Variants in GNB5 observed in about 807,000 individuals in gnomAD.
The protein encoded by GNB5 is G protein subunit beta 5.
In GNB5, 37 loss-of-function variants were observed where a neutral mutation model predicts 55.3. That is an observed-to-expected ratio of 0.67 (90% confidence interval 0.51 to 0.88). The LOEUF is 0.88. GNB5 is among the 40% of genes least tolerant of loss of function. The pLI is 0.00. For synonymous variants in GNB5, 219 were observed against 198.5 expected (o/e 1.10, Z -0.87); for missense variants, 476 against 515.3 (o/e 0.92, Z 0.74).
chr15:52,165,160 A>G (rs887483567), intron 3 of GNB5, among the ~76,000 whole-genome samples: 2 of 152,214 alleles, frequency 1.3e-5, no homozygotes, highest in Non-Finnish European at 2.9e-5. Context: ...ACAAGAATAG[A>G]GAAAAAACAA....
intron 6 of GNB5, chr15:52,143,795 C>T (rs1202602284): frequency 6.6e-6 from 1 of 152,186 alleles, no homozygotes; most frequent in Non-Finnish European, 1.5e-5. Flanking sequence ...AGACTTACCA[C>T]TAGAAACTCA....
At chr15:52,150,155 G>A (rs1302718461) in intron 4 of GNB5, among the ~76,000 whole-genome samples, 1 of 152,122 alleles carries the variant, frequency 6.6e-6, no homozygotes, top group Non-Finnish European at 1.5e-5. Flanking sequence ...TACATTCCTT[G>A]GAAAGATACA....
rs749482994 is a variant in GNB5 at position 52,135,645 on chromosome 15, G to C, written c.739C>G (p.Pro247Ala). ...GADVLCLDLA[P>A]SETGNTFVSG... is the part of the protein sequence containing the mutation. ...ACGAAGGTGTTTCCAGTTTCTGAGG[G>C]GGCCAGGTCCAAGCAGAGGACGTCA... Residue 247 changes from proline to alanine, a missense_variant, in exon 8 of 13, where the codon CCC becomes GCC. By Grantham distance (27) the Pro-to-Ala change is conservative. Transcript: ENST00000261837. 4.0e-5 allele frequency: 64 copies of C among 1,613,610 alleles called. No homozygotes were observed. The highest frequency in any genetic ancestry group is 5.3e-5 in the Non-Finnish European group (62 of 1,179,866).
intron 3 of GNB5, among the ~76,000 whole-genome samples, chr15:52,161,979 T>C (rs1303984434): frequency 6.6e-6 from 1 of 152,160 alleles, no homozygotes; most frequent in African/African-American, 2.4e-5. Flanking sequence ...AGAGCTGAGC[T>C]GGTGAACAGT....
rs900055902 is a variant in GNB5, at chr15:52,137,000, T to C, written c.628-1244A>G. The C allele has an allele frequency of 2.2e-5, 10 of 453,976 alleles. No homozygotes were observed. The Admixed American group carries it at 2.4e-4, about 11-fold the overall frequency. 28.1% of individuals were successfully genotyped at this position (453,976 alleles called of 1,614,324 possible). ...CTTACCAAGATTAACAGCTTGCTCA[T>C]CCAGACTCAAAGACTGTTCGCTTGC... On this transcript the variant is annotated intron_variant, in intron 7 of 12. Transcript: ENST00000261837.
intron 12 of GNB5, among the ~76,000 whole-genome samples, chr15:52,124,005 CAAAAAAAAAAAAA>C (rs56008657): frequency 3.6e-5 from 3 of 84,416 alleles, no homozygotes; most frequent in African/African-American, 8.4e-5. Context: ...ATAGAAAAAC[CAAAAAAAAAAAAA>C]AAAAAAAAAG....
At chr15:52,155,569 A>G (rs1433543575) in intron 3 of GNB5, among the ~76,000 whole-genome samples, 1 of 152,256 alleles carries the variant, frequency 6.6e-6, no homozygotes, top group Non-Finnish European at 1.5e-5. Flanking sequence ...TGTCCAAATA[A>G]TAACCTTCAT....
intron 8 of GNB5, among the ~76,000 whole-genome samples, chr15:52,134,279 G>A (rs937292557): frequency 6.6e-6 from 1 of 152,196 alleles, no homozygotes; most frequent in African/African-American, 2.4e-5. Context: ...TAGTCAAATA[G>A]CTTATATGAT....
chr15:52,167,001 A>G (rs2034463774), intron 3 of GNB5, among the ~76,000 whole-genome samples: 1 of 152,230 alleles, frequency 6.6e-6, no homozygotes, highest in Non-Finnish European at 1.5e-5. Context: ...GGATATCACC[A>G]CTGACCCCAC....
intron 7 of GNB5, chr15:52,138,045 T>G: frequency 1.1e-6 from 1 of 897,860 alleles, no homozygotes; most frequent in Non-Finnish European, 1.6e-6. Flanking sequence ...ATGGGATCTC[T>G]CCTCCTCACC....
intron 9 of GNB5, among the ~76,000 whole-genome samples, chr15:52,132,179 G>A (rs183799685): frequency 3.7e-4 from 57 of 152,110 alleles, no homozygotes; most frequent in Admixed American, 1.1e-3. Context: ...TGCACAAACA[G>A]GCTGATAGCC....
rs1457700761 is a variant in GNB5 at position 52,179,739 on chromosome 15, GCCCCGCCCGCCT to G, written c.238+17_238+28del. ...GGGAAGTGGCGAGCCGGTCCGGCTTGCCCCGCCCGCCTCCCGGCCCGCACTCACGCTCCACAT... is the reference window on the plus strand; with the variant it reads ...GGGAAGTGGCGAGCCGGTCCGGCTTGCCCGGCCCGCACTCACGCTCCACAT... On this transcript the variant is annotated intron_variant, in intron 3 of 12. Transcript: ENST00000261837. 2.4e-6 allele frequency: 3 copies of G among 1,231,634 alleles called. No homozygotes were observed. In the African/African-American group the frequency reaches 4.7e-5, roughly 19 times the overall value. 76.3% of individuals were successfully genotyped at this position (1,231,634 alleles called of 1,614,324 possible).
chr15:52,136,737 A>G (rs2033733546), intron 7 of GNB5, among the ~76,000 whole-genome samples: 2 of 152,198 alleles, frequency 1.3e-5, no homozygotes, highest in South Asian at 4.1e-4. Context: ...CTGCTAATGC[A>G]TGAGGGTTTG....
chr15:52,157,699 A>G (rs1263073973), intron 3 of GNB5, among the ~76,000 whole-genome samples: 2 of 152,200 alleles, frequency 1.3e-5, no homozygotes, highest in Non-Finnish European at 2.9e-5. Context: ...TTTAATAAAA[A>G]AGATGATTCA....
rs761569770 is a variant in GNB5 at position 52,147,436 on chromosome 15, AAGCTGCTGTAGCTCC to A, written c.494+8_494+22del. ...TTCTATGGTTAACACAAATTCTGAA[AAGCTGCTGTAGCTCC>A]AACTTACCCACAAGCAATGGCACAT... On this transcript the variant is annotated splice_region_variant and intron_variant, in intron 6 of 12. Coordinates refer to ENST00000261837, the MANE Select transcript of GNB5 (RefSeq NM_016194.4). 2.9e-6 allele frequency: 4 copies of A among 1,391,542 alleles called. No homozygotes were observed. The Admixed American group carries it at 6.7e-5, about 23-fold the overall frequency. The allele number at this position is 1,391,542 out of a possible 1,614,324, so 86.2% of individuals were successfully genotyped here.
intron 11 of GNB5, chr15:52,125,021 G>A (rs576223756): frequency 1.2e-5 from 2 of 164,034 alleles, no homozygotes; most frequent in African/African-American, 4.8e-5. Context: ...TGACATTTGA[G>A]TTGGCTCTTG....
chr15:52,117,102 A>ATATATATATATATATATATTTT lies in GNB5; in HGVS notation c.*5654_*5655insAAAATATATATATATATATATA. 1.3e-4 allele frequency: 11 copies of ATATATATATATATATATATTTT among 87,096 alleles called. No individual in the cohort carries two copies. Among genetic ancestry groups the ATATATATATATATATATATTTT allele is most frequent in the African/African-American group, 5.5e-4 (9 of 16,418 alleles). The allele number at this position is 87,096 out of a possible 1,614,324, so 5.4% of individuals were successfully genotyped here. ...CCACGCCCAGCTAATATATATATAT[A>ATATATATATATATATATATTTT]TTTTTTTTTAGTACAGACAGGGTTT... On this transcript the variant is annotated 3_prime_UTR_variant, in exon 13 of 13. Transcript: ENST00000261837.
chr15:52,183,282 C>T (rs1221015923), intron 2 of GNB5, among the ~76,000 whole-genome samples: 1 of 151,580 alleles, frequency 6.6e-6, no homozygotes, highest in East Asian at 1.9e-4. Context: ...GGGCTTATTC[C>T]ACCTGCAGAG....
chr15:52,138,055 C>G, intron 7 of GNB5: 2 of 774,104 alleles, frequency 2.6e-6, no homozygotes. Context: ...TCCTCCTCAC[C>G]CTTTGCCCCC....
Sources: allele counts gnomAD v4.1 joint callset (sites outside exome capture counted in the v4.1 genomes callset), GRCh38; gene constraint gnomAD v4.1.1; transcripts MANE v1.5; gene names NCBI Gene and HGNC (gene_info 2026-07-23, HGNC 2026-07-21).